RANBP2: variants seen among roughly 807,000 people sequenced by gnomAD.
The protein encoded by RANBP2 is RAN binding protein 2, also known as E3 SUMO-protein ligase RanBP2.
In RANBP2, 57 loss-of-function variants were observed where a neutral mutation model predicts 303.6. That is an observed-to-expected ratio of 0.19 (90% CI 0.15 to 0.23). RANBP2 has a LOEUF of 0.23. Ranked by LOEUF, RANBP2 falls within the 10% of genes least tolerant of loss-of-function variation. The probability of loss-of-function intolerance (pLI) is 1.00; values close to 1 mark genes in which losing one functional copy is unlikely to be tolerated. For missense variants in RANBP2, 3,138 were observed against 3,780.8 expected (o/e 0.83, Z 4.46); for synonymous variants, 1,167 against 1,301.5 (o/e 0.90, Z 2.23).
the RANBP2 span, among the ~76,000 whole-genome samples, chr2:109,564,887 C>T: frequency 6.6e-6 from 1 of 152,170 alleles, no homozygotes; most frequent in African/African-American, 2.4e-5. Context: ...AGACATTTCA[C>T]ATAATGTTTA....
chr2:108,757,460 C>G (rs1268706483), intron 17 of RANBP2, among the ~76,000 whole-genome samples: 2 of 152,106 alleles, frequency 1.3e-5, no homozygotes, highest in East Asian at 3.9e-4. Context: ...TATTGTTTAC[C>G]TAACAGTGTA....
chr2:109,679,720 T>A, the RANBP2 span, among the ~76,000 whole-genome samples: 1 of 152,176 alleles, frequency 6.6e-6, no homozygotes, highest in Non-Finnish European at 1.5e-5. Flanking sequence ...GGCATCTTGT[T>A]ACAAATGGGT....
the RANBP2 span, among the ~76,000 whole-genome samples, chr2:109,316,797 A>T: frequency 6.6e-6 from 1 of 152,136 alleles, no homozygotes; most frequent in African/African-American, 2.4e-5. Flanking sequence ...CATGTGCTCT[A>T]TCTGGTTATC....
chr2:109,224,411 A>G, the RANBP2 span, among the ~76,000 whole-genome samples: 1 of 152,146 alleles, frequency 6.6e-6, no homozygotes. Flanking sequence ...TTTTGTTCTG[A>G]TGTAAAAGGG....
the RANBP2 span, among the ~76,000 whole-genome samples, chr2:109,620,603 A>G: frequency 6.6e-6 from 1 of 152,066 alleles, no homozygotes; most frequent in Non-Finnish European, 1.5e-5. Context: ...TTGGGAGGCT[A>G]AGGCAGGAGA....
chr2:108,804,107 A>T, the RANBP2 span, among the ~76,000 whole-genome samples: 1 of 152,012 alleles, frequency 6.6e-6, no homozygotes, highest in Non-Finnish European at 1.5e-5. Context: ...ATCTATTTTT[A>T]TTAAGTATAA....
chr2:109,612,329 T>C, the RANBP2 span, among the ~76,000 whole-genome samples: 1 of 152,144 alleles, frequency 6.6e-6, no homozygotes, highest in African/African-American at 2.4e-5. Flanking sequence ...GAAGTGTGTG[T>C]GGTTATAAAA....
the RANBP2 span, among the ~76,000 whole-genome samples, chr2:109,106,594 T>C: frequency 6.6e-6 from 1 of 152,050 alleles, no homozygotes; most frequent in Non-Finnish European, 1.5e-5. Context: ...CTCAGCACTT[T>C]GGGAGGCTAA....
the RANBP2 span, chr2:108,896,683 G>C: frequency 1.7e-6 from 1 of 572,748 alleles, no homozygotes; most frequent in Non-Finnish European, 3.1e-6. Flanking sequence ...ACTCTGCCTG[G>C]TGAGGTACAG....
At chr2:108,992,190 A>G in the RANBP2 span, among the ~76,000 whole-genome samples, 84 of 152,312 alleles carry the variant, frequency 5.5e-4, 2 homozygotes, top group Admixed American at 2.2e-3. Context: ...GCATTCTCCT[A>G]TGCCATCATG....
At chr2:109,313,359 C>T in the RANBP2 span, among the ~76,000 whole-genome samples, 10 of 152,236 alleles carry the variant, frequency 6.6e-5, no homozygotes, top group African/African-American at 2.4e-4. Context: ...GCAGTTCAGC[C>T]TAATGCACAG....
At chr2:108,723,564 C>T (rs770313198) in intron 1 of RANBP2, among the ~76,000 whole-genome samples, 6 of 152,158 alleles carry the variant, frequency 3.9e-5, no homozygotes, top group Non-Finnish European at 7.4e-5. Flanking sequence ...CGTGAGCCAC[C>T]GCGCCGGGCC....
chr2:109,442,631 A>G, the RANBP2 span, among the ~76,000 whole-genome samples: 1 of 152,218 alleles, frequency 6.6e-6, no homozygotes, highest in Admixed American at 6.5e-5. Context: ...ACATTCTTAT[A>G]CTATGAATCT....
chr2:109,183,682 A>G, the RANBP2 span, among the ~76,000 whole-genome samples: 1 of 152,348 alleles, frequency 6.6e-6, no homozygotes, highest in African/African-American at 2.4e-5. Flanking sequence ...TTCATCCCTG[A>G]AAACAAAAAC....
chr2:109,224,608 G>A, the RANBP2 span, among the ~76,000 whole-genome samples: 1 of 152,088 alleles, frequency 6.6e-6, no homozygotes, highest in Non-Finnish European at 1.5e-5. Flanking sequence ...CTGTAATCCC[G>A]GCACTTTGGA....
the RANBP2 span, among the ~76,000 whole-genome samples, chr2:108,823,949 C>G: frequency 6.6e-6 from 1 of 151,806 alleles, no homozygotes; most frequent in Non-Finnish European, 1.5e-5. Flanking sequence ...TGCACTCCAG[C>G]CTGGGCCACA....
At chr2:109,084,573 T>G in the RANBP2 span, among the ~76,000 whole-genome samples, 2 of 152,142 alleles carry the variant, frequency 1.3e-5, no homozygotes, top group African/African-American at 4.8e-5. Flanking sequence ...CTCTGTAGGA[T>G]ACTAGAGTGT....
At chr2:109,014,917 C>T in the RANBP2 span, among the ~76,000 whole-genome samples, 83 of 151,884 alleles carry the variant, frequency 5.5e-4, no homozygotes, top group African/African-American at 1.9e-3. Context: ...GTCAGGAGAT[C>T]GAGACCATCC....
chr2:108,719,783 T>C (rs1381840704), intron 1 of RANBP2, 105 bp downstream of exon 1: 1 of 1,518,468 alleles, frequency 6.6e-7, no homozygotes, highest in Non-Finnish European at 8.8e-7. Flanking sequence ...TGGCGCGCTC[T>C]GTTGAGGCGC....
Sources: allele counts gnomAD v4.1 joint callset (sites outside exome capture counted in the v4.1 genomes callset), GRCh38; gene constraint gnomAD v4.1.1; transcripts MANE v1.5; gene names NCBI Gene and HGNC (gene_info 2026-07-23, HGNC 2026-07-21).